DPP6: variants seen among roughly 807,000 people sequenced by gnomAD.
DPP6 encodes dipeptidyl peptidase like 6.
Under a neutral mutation model 122.6 loss-of-function variants are expected in DPP6, and 69 were observed. The ratio of observed to expected loss-of-function variants is 0.56; its 90% CI spans 0.46 to 0.69. The LOEUF is 0.69. Among genes scored for constraint, DPP6 ranks in the 30% least tolerant of loss-of-function variants. DPP6 has a pLI of 0.00. For synonymous variants in DPP6, 418 were observed against 433.1 expected, an observed-to-expected ratio of 0.97 and a Z score of 0.43; for missense variants, 928 against 1,116.9, an observed-to-expected ratio of 0.83 and a Z score of 2.41.
At chr7:154,357,663 C>T (rs114992112) in intron 1 of DPP6, among the ~76,000 whole-genome samples, 91 of 152,192 alleles carry the variant, frequency 6.0e-4, no homozygotes, top group African/African-American at 2.1e-3. Context: ...TATCTTTTAG[C>T]TGGGCCTGGT....
intron 1 of DPP6, among the ~76,000 whole-genome samples, chr7:154,255,089 A>G (rs908294914): frequency 3.3e-5 from 5 of 152,186 alleles, no homozygotes; most frequent in African/African-American, 1.2e-4. Context: ...TGATGTTAAC[A>G]AATGAATAAA....
chr7:154,263,897 G>T (rs1415767513), intron 1 of DPP6, among the ~76,000 whole-genome samples: 1 of 151,992 alleles, frequency 6.6e-6, no homozygotes, highest in Non-Finnish European at 1.5e-5. Flanking sequence ...CGCCATGTTT[G>T]CCAGGCTGGT....
At chr7:154,315,440 C>T (rs1299831424) in intron 1 of DPP6, among the ~76,000 whole-genome samples, 2 of 151,956 alleles carry the variant, frequency 1.3e-5, no homozygotes, top group Non-Finnish European at 2.9e-5. Context: ...CAGAAAAATC[C>T]CTACAATTTT....
At chr7:154,078,770 A>G (rs1345668570) in intron 1 of DPP6, among the ~76,000 whole-genome samples, 3 of 152,146 alleles carry the variant, frequency 2.0e-5, no homozygotes, top group Non-Finnish European at 4.4e-5. Flanking sequence ...AAAGCATTGG[A>G]ATCAAGGAAA....
intron 16 of DPP6, among the ~76,000 whole-genome samples, chr7:154,830,320 G>GA (rs1174665835): frequency 5.3e-5 from 8 of 152,316 alleles, no homozygotes; most frequent in Non-Finnish European, 7.3e-5. Context: ...GTTCCAGGAA[G>GA]AGGCAGAGCC....
chr7:153,998,328 T>C (rs1248914294), intron 1 of DPP6, among the ~76,000 whole-genome samples: 1 of 152,224 alleles, frequency 6.6e-6, no homozygotes, highest in Non-Finnish European at 1.5e-5. Context: ...TTTCATGGTA[T>C]AAGAATGCAG....
rs1222261553 is a variant in DPP6, at chr7:154,821,695, TAC to T, written c.1666+14593_1666+14594del. ...ATATATATACACACACATATATATA[TAC>T]ACACACACATATATATATACAGAAA... On this transcript the variant is annotated intron_variant, in intron 16 of 25. Coordinates refer to ENST00000377770, the MANE Select transcript of DPP6 (RefSeq NM_130797.4). This position sits in a 1 kb window ranked among gnomAD's most constrained non-coding sequence, Gnocchi z 4.2. Among the ~76,000 whole-genome samples, 13 of 148,054 alleles carry T rather than the reference TAC, an allele frequency of 8.8e-5. No homozygotes were observed. The highest frequency in any genetic ancestry group is 4.2e-4 in the South Asian group (2 of 4,708).
intron 1 of DPP6, among the ~76,000 whole-genome samples, chr7:154,364,132 A>G (rs1209566059): frequency 1.3e-5 from 2 of 152,216 alleles, no homozygotes; most frequent in African/African-American, 4.8e-5. Flanking sequence ...ATCAGCCTAT[A>G]TAAACACAAA....
chr7:154,588,017 A>T, intron 5 of DPP6: 1 of 1,612,818 alleles, frequency 6.2e-7, no homozygotes, highest in Non-Finnish European at 8.5e-7. Flanking sequence ...GAGGCATCGC[A>T]TCTGCTCACC....
intron 1 of DPP6, among the ~76,000 whole-genome samples, chr7:154,245,459 A>T (rs1801914015): frequency 6.7e-6 from 1 of 150,040 alleles, no homozygotes. Flanking sequence ...ACATGGTGAA[A>T]CCCTGTCTCT....
At chr7:154,073,384 C>T (rs1803266063) in intron 1 of DPP6, among the ~76,000 whole-genome samples, 1 of 152,240 alleles carries the variant, frequency 6.6e-6, no homozygotes, top group Non-Finnish European at 1.5e-5. Context: ...TTTTCCAAGC[C>T]TGCGCTTCCT....
intron 3 of DPP6, among the ~76,000 whole-genome samples, chr7:154,515,003 A>G (rs1220934695): frequency 1.3e-5 from 2 of 152,202 alleles, no homozygotes; most frequent in African/African-American, 4.8e-5. Context: ...AAACCATCCC[A>G]AATAGTGGAT....
chr7:154,319,659 C>A (rs4726407), intron 1 of DPP6, among the ~76,000 whole-genome samples: 87,142 of 150,530 alleles, frequency 0.58, 25,498 homozygotes, highest in South Asian at 0.67. Context: ...TGGACCACTG[C>A]ACTTCAGCCT....
At chr7:154,629,778 A>G (rs138954135) in intron 5 of DPP6, among the ~76,000 whole-genome samples, 186 of 152,282 alleles carry the variant, frequency 1.2e-3, no homozygotes, top group African/African-American at 4.3e-3. Flanking sequence ...CACCTCAGGG[A>G]GACCATCCAT....
At chr7:154,791,378 A>G (rs1797670847) in intron 10 of DPP6, among the ~76,000 whole-genome samples, 1 of 152,198 alleles carries the variant, frequency 6.6e-6, no homozygotes, top group Non-Finnish European at 1.5e-5. Flanking sequence ...TCATGGTGGA[A>G]GACGAAAGAA....
At chr7:154,163,479 C>T (rs1044780290) in intron 1 of DPP6, among the ~76,000 whole-genome samples, 7 of 152,118 alleles carry the variant, frequency 4.6e-5, no homozygotes, top group Non-Finnish European at 8.8e-5. Context: ...ACCAGATAGT[C>T]GACAATTATG....
At chr7:154,850,668 G>A (rs77836588) in intron 16 of DPP6, among the ~76,000 whole-genome samples, 3,630 of 151,974 alleles carry the variant, frequency 0.024, 133 homozygotes, top group African/African-American at 0.083. Context: ...TTCATGATTC[G>A]GTCTTGGTAG....
At chr7:154,834,083 C>T (rs919087451) in intron 16 of DPP6, among the ~76,000 whole-genome samples, 9 of 152,074 alleles carry the variant, frequency 5.9e-5, no homozygotes, top group South Asian at 2.1e-4. Context: ...CCAGGGTGGG[C>T]GGACACTCAG....
At chr7:153,756,486 G>T in the DPP6 span, among the ~76,000 whole-genome samples, 3 of 152,146 alleles carry the variant, frequency 2.0e-5, no homozygotes, top group Non-Finnish European at 4.4e-5. Context: ...GCAGTGAAGG[G>T]CCACATCTGA....
Sources: allele counts gnomAD v4.1 joint callset (sites outside exome capture counted in the v4.1 genomes callset), GRCh38; gene constraint gnomAD v4.1.1; non-coding constraint Gnocchi (gnomAD v3.1); transcripts MANE v1.5; gene names NCBI Gene and HGNC (gene_info 2026-07-23, HGNC 2026-07-21).